The following DIP2C variants were observed in gnomAD, a reference collection of about 807,000 sequenced individuals.
DIP2C encodes the protein DIP2 acetate--CoA ligase C (putative).
Under a neutral mutation model 192.4 loss-of-function variants are expected in DIP2C, and 33 were observed. The observed-to-expected ratio is 0.17, with a 90% CI of 0.13 to 0.23. DIP2C has a LOEUF of 0.23. Ranked by LOEUF, DIP2C falls within the 10% of genes least tolerant of loss-of-function variation. The pLI, the probability that DIP2C is intolerant of heterozygous loss-of-function variation, is 1.00. For synonymous variants in DIP2C, 979 were observed against 864.1 expected (o/e 1.13, Z -2.33); for missense variants, 1,537 against 2,110.1 (o/e 0.73, Z 5.32).
chr10:449,920 C>CAACAACAAAAAAAAAAAAAAA (rs1408389732), intron 3 of DIP2C, among the ~76,000 whole-genome samples: 2 of 135,908 alleles, frequency 1.5e-5, no homozygotes, highest in African/African-American at 6.0e-5. Context: ...TCAACAACAA[C>CAACAACAAAAAAAAAAAAAAA]AAAAAAAAAA....
intron 1 of DIP2C, among the ~76,000 whole-genome samples, chr10:572,185 C>T (rs970287957): frequency 6.6e-6 from 1 of 152,240 alleles, no homozygotes; most frequent in African/African-American, 2.4e-5. Context: ...TGGCTCCACA[C>T]GCCAGTGTTC....
intron 31 of DIP2C, among the ~76,000 whole-genome samples, chr10:314,189 G>A (rs921183592): frequency 1.2e-4 from 18 of 152,192 alleles, no homozygotes; most frequent in African/African-American, 3.9e-4. Flanking sequence ...TGGGGGCTGT[G>A]GAAATGTTAC....
intron 1 of DIP2C, among the ~76,000 whole-genome samples, chr10:638,908 T>G (rs569878724): frequency 6.6e-6 from 1 of 152,310 alleles, no homozygotes; most frequent in Admixed American, 6.5e-5. Flanking sequence ...AAAAGCCATT[T>G]CTACAAACCC....
intron 1 of DIP2C, among the ~76,000 whole-genome samples, chr10:580,682 G>C (rs570650014): frequency 1.3e-5 from 2 of 152,174 alleles, no homozygotes; most frequent in Middle Eastern, 3.4e-3. Context: ...CCGAGACCCA[G>C]AACAGGCCAT....
At chr10:331,352 C>T (rs912730866) in intron 29 of DIP2C, among the ~76,000 whole-genome samples, 23 of 152,298 alleles carry the variant, frequency 1.5e-4, no homozygotes, top group African/African-American at 5.1e-4. Context: ...GTGACAAAGG[C>T]GTTTTTGGGC....
chr10:679,747 T>C (rs1373033660), intron 1 of DIP2C, among the ~76,000 whole-genome samples: 1 of 150,296 alleles, frequency 6.7e-6, no homozygotes, highest in Non-Finnish European at 1.5e-5. Context: ...CCATCTGTGC[T>C]CCCCATGCCC....
At chr10:507,310 GCACA>G (rs1247040601) in intron 1 of DIP2C, among the ~76,000 whole-genome samples, 2 of 150,374 alleles carry the variant, frequency 1.3e-5, no homozygotes, top group Admixed American at 6.6e-5. Flanking sequence ...GTCACCAGCT[GCACA>G]CAATCAGAAG....
chr10:457,220 A>G (rs1325316549), intron 3 of DIP2C, among the ~76,000 whole-genome samples: 2 of 152,124 alleles, frequency 1.3e-5, no homozygotes, highest in East Asian at 3.9e-4. Context: ...TGCATCTCCT[A>G]TTTTATTTTA....
intron 3 of DIP2C, among the ~76,000 whole-genome samples, chr10:459,735 G>A (rs1969601383): frequency 6.6e-6 from 1 of 150,464 alleles, no homozygotes; most frequent in Non-Finnish European, 1.5e-5. Flanking sequence ...ACGGCGTGCT[G>A]CACGTGGGCT....
At chr10:325,993 C>T (rs116432948) in intron 31 of DIP2C, among the ~76,000 whole-genome samples, 2,345 of 152,000 alleles carry the variant, frequency 0.015, 60 homozygotes, top group African/African-American at 0.053. Flanking sequence ...CCAGCCTGGG[C>T]GACATGGTGA....
chr10:545,643 GC>G (rs1277021167), intron 1 of DIP2C, among the ~76,000 whole-genome samples: 1 of 152,186 alleles, frequency 6.6e-6, no homozygotes, highest in East Asian at 1.9e-4. Context: ...GAAATAAGAT[GC>G]TGTTTAAGCC....
intron 1 of DIP2C, among the ~76,000 whole-genome samples, chr10:543,209 C>T (rs1315237649): frequency 6.6e-6 from 1 of 152,264 alleles, no homozygotes; most frequent in East Asian, 1.9e-4. Context: ...TAACCGTCTC[C>T]TTTGCAAGGG....
At chr10:537,152 C>T (rs190732843) in intron 1 of DIP2C, among the ~76,000 whole-genome samples, 118 of 152,250 alleles carry the variant, frequency 7.8e-4, no homozygotes, top group African/African-American at 2.8e-3. Context: ...GACAACCTGA[C>T]CACCCAGAGG....
intron 1 of DIP2C, among the ~76,000 whole-genome samples, chr10:685,851 C>G (rs982113489): frequency 1.3e-5 from 2 of 152,076 alleles, no homozygotes; most frequent in Admixed American, 1.3e-4. Context: ...ATCCCAGCTA[C>G]TCAAGAAGCT....
intron 1 of DIP2C, among the ~76,000 whole-genome samples, chr10:521,854 G>A (rs553989533): frequency 6.6e-6 from 1 of 152,148 alleles, no homozygotes; most frequent in East Asian, 1.9e-4. Context: ...TCCTTCCCCA[G>A]CACATGCACA....
intron 22 of DIP2C, 79 bp from the exon 23 acceptor site, chr10:358,016 C>T (rs1453598027): frequency 9.2e-7 from 1 of 1,082,536 alleles, no homozygotes; most frequent in African/African-American, 1.6e-5. Context: ...TTGGTAAAGA[C>T]CTTACTCTCG....
chr10:491,317 G>C (rs1005167110), intron 1 of DIP2C, among the ~76,000 whole-genome samples: 8 of 152,356 alleles, frequency 5.3e-5, no homozygotes, highest in African/African-American at 1.9e-4. Context: ...TTTAATGCTG[G>C]AATTAATAGT....
chr10:309,517 C>T (rs1956480937), intron 32 of DIP2C, among the ~76,000 whole-genome samples: 1 of 151,864 alleles, frequency 6.6e-6, no homozygotes, highest in Admixed American at 6.5e-5. Flanking sequence ...TCTGGCCATA[C>T]TCCTGCTATC....
In DIP2C at chr10:281,366, G is replaced by A. The variant is rs377634141; in HGVS notation, c.4295-43C>T. The A allele has an allele frequency of 6.3e-5, 97 of 1,547,940 alleles. No individual in the cohort carries two copies. In the African/African-American group the frequency reaches 9.8e-4, roughly 16 times the overall value. On this transcript the variant is annotated intron_variant, in intron 35 of 36. Coordinates refer to ENST00000280886, the MANE Select transcript of DIP2C (RefSeq NM_014974.3). ...CCTGCGTAAGCTTCCCCATAATGCCGCTCAAGCCGTTTCCTTCTTTTCTTA... is the reference window on the plus strand; with the variant it reads ...CCTGCGTAAGCTTCCCCATAATGCCACTCAAGCCGTTTCCTTCTTTTCTTA...
Sources: gnomAD v4.1 joint callset for allele counts (sites outside exome capture counted in the v4.1 genomes callset) on GRCh38, gnomAD v4.1.1 for gene constraint, MANE v1.5 for transcripts, NCBI Gene and HGNC (gene_info 2026-07-23, HGNC 2026-07-21) for gene names.